Variants in PDE1C observed in about 807,000 individuals in gnomAD.
PDE1C encodes the protein dual specificity calcium/calmodulin-dependent 3',5'-cyclic nucleotide phosphodiesterase 1C.
PDE1C carries 62 observed loss-of-function variants against 93.1 expected under a neutral mutation model. The ratio of observed to expected loss-of-function variants is 0.67; its 90% CI spans 0.54 to 0.82. The LOEUF is 0.82. PDE1C is among the 40% of genes least tolerant of loss of function. The pLI, the probability that PDE1C is intolerant of heterozygous loss-of-function variation, is 0.00. For synonymous variants in PDE1C, 325 were observed against 310.1 expected, an observed-to-expected ratio of 1.05 and a Z score of -0.50; for missense variants, 742 against 884.6, an observed-to-expected ratio of 0.84 and a Z score of 2.04.
chr7:31,661,307 A>C, the PDE1C span, among the ~76,000 whole-genome samples: 1 of 152,216 alleles, frequency 6.6e-6, no homozygotes, highest in Admixed American at 6.5e-5. Flanking sequence ...GGATATAATA[A>C]AGAAAATGTT....
At chr7:31,689,954 G>C in the PDE1C span, among the ~76,000 whole-genome samples, 5 of 152,210 alleles carry the variant, frequency 3.3e-5, no homozygotes, top group Non-Finnish European at 7.3e-5. Flanking sequence ...ATTTGAAATA[G>C]TGTTGTTTCT....
chr7:31,772,836 A>G (rs1486606076), intron 17 of PDE1C, among the ~76,000 whole-genome samples: 2 of 152,210 alleles, frequency 1.3e-5, no homozygotes, highest in African/African-American at 4.8e-5. Flanking sequence ...AAAAGATTCT[A>G]TCTATTGGTG....
At chr7:32,172,250 A>G (rs982967411) in intron 2 of PDE1C, among the ~76,000 whole-genome samples, 3 of 152,106 alleles carry the variant, frequency 2.0e-5, no homozygotes, top group African/African-American at 7.2e-5. Context: ...TTGAGTGAAC[A>G]GGCAACCTAT....
At chr7:31,901,782 G>C (rs1225477250) in intron 2 of PDE1C, among the ~76,000 whole-genome samples, 1 of 151,478 alleles carries the variant, frequency 6.6e-6, no homozygotes, top group Non-Finnish European at 1.5e-5. Context: ...CAATCTGATA[G>C]AATAAATAGA....
intron 2 of PDE1C, among the ~76,000 whole-genome samples, chr7:32,016,475 A>G (rs760437843): frequency 6.6e-6 from 1 of 152,246 alleles, no homozygotes; most frequent in Admixed American, 6.5e-5. Context: ...ATGTTTTTCC[A>G]TACTCTTTAC....
At chr7:32,052,098 T>A (rs952853728) in intron 1 of PDE1C, among the ~76,000 whole-genome samples, 9 of 152,202 alleles carry the variant, frequency 5.9e-5, no homozygotes, top group African/African-American at 2.2e-4. Flanking sequence ...TGTGCCTTTT[T>A]AAATGTAAAT....
intron 1 of PDE1C, among the ~76,000 whole-genome samples, chr7:32,320,790 A>G (rs746634760): frequency 6.6e-6 from 1 of 152,248 alleles, no homozygotes; most frequent in Non-Finnish European, 1.5e-5. Flanking sequence ...AAGCAGAGCA[A>G]GGAAAGAAGC....
intron 1 of PDE1C, among the ~76,000 whole-genome samples, chr7:32,331,907 G>A (rs1304934796): frequency 6.6e-6 from 1 of 152,118 alleles, no homozygotes; most frequent in Non-Finnish European, 1.5e-5. Context: ...ATGGCTCAGA[G>A]CCACAAGGGC....
At chr7:31,876,167 A>G (rs1223209774) in intron 5 of PDE1C, among the ~76,000 whole-genome samples, 1 of 152,132 alleles carries the variant, frequency 6.6e-6, no homozygotes, top group African/African-American at 2.4e-5. Context: ...CCTCTGGAGA[A>G]GTGGAAAAAA....
At chr7:32,102,874 C>T (rs1303892631) in intron 3 of PDE1C, among the ~76,000 whole-genome samples, 3 of 152,166 alleles carry the variant, frequency 2.0e-5, no homozygotes, top group African/African-American at 4.8e-5. Flanking sequence ...TCTCAGCTCT[C>T]CCTTGGCCTC....
chr7:31,732,029 C>T, the PDE1C span, among the ~76,000 whole-genome samples: 3 of 152,208 alleles, frequency 2.0e-5, no homozygotes, highest in Non-Finnish European at 4.4e-5. Context: ...TCCCAGAGGA[C>T]GCCTGCACGC....
chr7:31,890,487 T>A (rs1798484314), intron 2 of PDE1C, among the ~76,000 whole-genome samples: 1 of 152,326 alleles, frequency 6.6e-6, no homozygotes, highest in South Asian at 2.1e-4. Flanking sequence ...TCTTTCCATG[T>A]CTTCATAGTC....
the PDE1C span, among the ~76,000 whole-genome samples, chr7:31,679,742 G>T: frequency 6.6e-6 from 1 of 152,148 alleles, no homozygotes; most frequent in African/African-American, 2.4e-5. Flanking sequence ...ATTACCATCT[G>T]GTAGCTGGCA....
intron 1 of PDE1C, among the ~76,000 whole-genome samples, chr7:32,405,104 C>A (rs927017792): frequency 1.3e-5 from 2 of 152,156 alleles, no homozygotes; most frequent in Non-Finnish European, 2.9e-5. Context: ...CATACCTCTT[C>A]TGTTGTACAG....
At chr7:31,762,002 T>C (rs1213808412) in intron 17 of PDE1C, among the ~76,000 whole-genome samples, 1 of 152,200 alleles carries the variant, frequency 6.6e-6, no homozygotes, top group Non-Finnish European at 1.5e-5. Flanking sequence ...TGCTGACACA[T>C]AGTAGGTGCT....
chr7:31,726,165 C>T, the PDE1C span, among the ~76,000 whole-genome samples: 1 of 152,162 alleles, frequency 6.6e-6, no homozygotes, highest in East Asian at 1.9e-4. Context: ...AACTCTTGGA[C>T]CCAAGCATTT....
At chr7:32,250,343 G>A (rs1809275037) in intron 1 of PDE1C, among the ~76,000 whole-genome samples, 1 of 152,164 alleles carries the variant, frequency 6.6e-6, no homozygotes, top group African/African-American at 2.4e-5. Context: ...AGGTCTGTCT[G>A]ACTCAAAAAC....
chr7:31,898,438 T>C (rs1196907806), intron 2 of PDE1C, among the ~76,000 whole-genome samples: 1 of 152,202 alleles, frequency 6.6e-6, no homozygotes, highest in African/African-American at 2.4e-5. Flanking sequence ...CACTTTCCCT[T>C]GTTATTAAGA....
At chr7:32,298,993 G>A (rs1812804050) in exon 1 of PDE1C, 2 of 1,271,900 alleles carry the variant, frequency 1.6e-6, no homozygotes, top group Non-Finnish European at 2.0e-6. Context: ...GAGTTCCAGA[G>A]GCGGCGAGAG....
Sources: gnomAD v4.1 joint callset for allele counts (sites outside exome capture counted in the v4.1 genomes callset) on GRCh38, gnomAD v4.1.1 for gene constraint, MANE v1.5 for transcripts, NCBI Gene and HGNC (gene_info 2026-07-23, HGNC 2026-07-21) for gene names.